Variants in ITGA3 observed in about 807,000 individuals in gnomAD.
ITGA3 encodes the protein integrin alpha-3.
ITGA3 carries 70 observed loss-of-function variants against 131.1 expected under a neutral mutation model. That is an observed-to-expected ratio of 0.53 (90% CI 0.44 to 0.65). The LOEUF (loss-of-function observed/expected upper bound fraction) is 0.65. Ranked by LOEUF, ITGA3 falls within the 30% of genes least tolerant of loss-of-function variation. The pLI is 0.00. For missense variants in ITGA3, 1,098 were observed against 1,388.6 expected (o/e 0.79, Z 3.33); for synonymous variants, 537 against 571.6 (o/e 0.94, Z 0.86).
Position 50,068,397 on chromosome 17 carries a change from A to G in ITGA3, c.664+92A>G, listed in dbSNP as rs1413406012. 3.5e-6 allele frequency: 5 copies of G among 1,412,764 alleles called. No homozygotes were observed. In the African/African-American group the frequency reaches 7.1e-5, roughly 20 times the overall value. The allele number at this position is 1,412,764 out of a possible 1,614,324, so 87.5% of individuals were successfully genotyped here. ...GGGACAGCTGGCCTAGACCATCCAC[A>G]CTAGAAACAGGACCTCATGCCAGTA... On this transcript the variant is annotated intron_variant, in intron 4 of 25. Transcript: ENST00000320031.
chr17:50,068,376 C>A, intron 4 of ITGA3, 71 bp downstream of exon 4: 1 of 1,548,486 alleles, frequency 6.5e-7, no homozygotes, highest in Non-Finnish European at 8.8e-7. Flanking sequence ...GCCACGGGGA[C>A]AGCTGGCCTA....
Position 50,088,310 on chromosome 17 carries a change from CAGAG to C in ITGA3, c.3134_3137del (p.Glu1045GlyfsTer2). On this transcript the variant is annotated frameshift_variant, in exon 25 of 26. Transcript: ENST00000320031. LOFTEE classifies it high-confidence loss of function. ...GAGATGAAGAGCCAGCCGTCAGAGACAGAGAGGCTGACCGACGACTACTGAGGGG... is the reference window on the plus strand; with the variant it reads ...GAGATGAAGAGCCAGCCGTCAGAGACAGGCTGACCGACGACTACTGAGGGG... 2 of 1,586,018 alleles carry C rather than the reference CAGAG, an allele frequency of 1.3e-6. No individual in the cohort carries two copies. The highest frequency in any genetic ancestry group is 1.7e-6 in the Non-Finnish European group (2 of 1,166,366).
rs753658290 is a variant in ITGA3, at chr17:50,087,769, T to C, written c.2945T>C (p.Leu982Pro). ...TTCTCTGTGGACATTGACTCGGAGC[T>C]GGTGGAGGAGCTGCCGGCCGAAATC... The part of the protein sequence containing the change: ...TWFSVDIDSE[L>P]VEELPAEIEL... Residue 982 changes from leucine (L) to proline (P), a missense_variant, in exon 24 of 26, where the codon CTG becomes CCG. Physicochemically the swap from Leu to Pro is moderately conservative, Grantham distance 98. Around this residue, in one of 3 missense-constraint regions of ITGA3, gnomAD observed 699 missense variants for 829.2 expected, o/e 0.84. Coordinates refer to ENST00000320031, the MANE Select transcript of ITGA3 (RefSeq NM_002204.4). 9.9e-6 allele frequency: 16 copies of C among 1,613,242 alleles called. No homozygotes were observed. The highest frequency in any genetic ancestry group is 1.3e-5 in the Non-Finnish European group (15 of 1,179,832).
chr17:50,082,387 C>T (rs1027922168), intron 23 of ITGA3, among the ~76,000 whole-genome samples: 4 of 152,078 alleles, frequency 2.6e-5, no homozygotes, highest in African/African-American at 9.7e-5. Flanking sequence ...CCTTGTTAGC[C>T]AGGATGGTCT....
intron 23 of ITGA3, among the ~76,000 whole-genome samples, chr17:50,083,195 C>G (rs761906819): frequency 5.3e-5 from 8 of 152,090 alleles, no homozygotes; most frequent in Non-Finnish European, 1.2e-4. Flanking sequence ...TGGGAGAACA[C>G]ATTTGGAAAA....
intron 10 of ITGA3, 21 bp from the exon 11 acceptor site, chr17:50,075,438 T>A (rs1908836066): frequency 9.9e-6 from 16 of 1,613,802 alleles, no homozygotes; most frequent in Non-Finnish European, 1.4e-5. Context: ...TGACCCGCCC[T>A]CCTGTACATC....
intron 16 of ITGA3, 47 bp downstream of exon 16, chr17:50,077,494 A>C: frequency 1.4e-6 from 2 of 1,407,790 alleles, no homozygotes; most frequent in Non-Finnish European, 2.0e-6. Flanking sequence ...CCCTGGCTGC[A>C]CCTCTGATGA....
Position 50,068,837 on chromosome 17 carries a change from TA to T in ITGA3, c.664+533del, listed in dbSNP as rs1387115673. On this transcript the variant is annotated intron_variant, in intron 4 of 25. Transcript: ENST00000320031. ...TTTTTTATTTATTTATTTATTTATTTATTTATTTATTTATTTATTTATTTTT... is the reference window on the plus strand; with the variant it reads ...TTTTTTATTTATTTATTTATTTATTTTTTATTTATTTATTTATTTATTTTT... Among the ~76,000 whole-genome samples the T allele has an allele frequency of 5.0e-3, 712 of 141,040 alleles. 3 individuals carry two copies. Among genetic ancestry groups the T allele is most frequent in the South Asian group, 0.021 (84 of 3,968 alleles). The allele number at this position is 141,040 out of a possible 152,430, so 92.5% of individuals were successfully genotyped here. A position where few individuals can be genotyped will look rare whatever the true frequency, so the allele number is the denominator to read the frequency against.
At chr17:50,075,793 G>A in intron 12 of ITGA3, 58 bp downstream of exon 12, 3 of 1,584,128 alleles carry the variant, frequency 1.9e-6, no homozygotes, top group Non-Finnish European at 2.6e-6. Context: ...GAGGTGGCCA[G>A]TGTCCCCCTA....
Position 50,056,332 on chromosome 17 carries a change from G to A in ITGA3, c.-108G>A. 1 of 726,126 alleles carries A rather than the reference G, an allele frequency of 1.4e-6. No individual in the cohort carries two copies. The highest frequency in any genetic ancestry group is 3.3e-5 in the East Asian group (1 of 30,314). The allele number at this position is 726,126 out of a possible 1,614,324, so 45.0% of individuals were successfully genotyped here. ...ATCAGCGCTACGGAGCGCAGCGGCCGGCGGGTTCCAGTGTCCTCCGGCGGC... is the reference window on the plus strand; with the variant it reads ...ATCAGCGCTACGGAGCGCAGCGGCCAGCGGGTTCCAGTGTCCTCCGGCGGC... On this transcript the variant is annotated 5_prime_UTR_variant, in exon 1 of 26. Coordinates refer to ENST00000320031, the MANE Select transcript of ITGA3 (RefSeq NM_002204.4). The surrounding 1 kb of genome is among the most constrained non-coding windows in gnomAD (Gnocchi z 5.6).
intron 24 of ITGA3, 119 bp downstream of exon 24, chr17:50,087,988 C>A: frequency 2.2e-6 from 3 of 1,373,828 alleles, no homozygotes; most frequent in Non-Finnish European, 2.9e-6. Flanking sequence ...CCCTTCCTCC[C>A]TGTCCTCTCC....
Position 50,080,334 on chromosome 17 carries a change from G to A in ITGA3, c.2779G>A (p.Val927Met), listed in dbSNP as rs139014080. ...CCCTGATGCCCCCGTTGTCACCAAC[G>A]TGACTGTGAAGGCACGAGTGTGGAA... ...PIPDAPVVTNVTVKARVWNST... is the reference protein window; with the variant it reads ...PIPDAPVVTNMTVKARVWNST... Residue 927 changes from valine to methionine, a missense_variant, in exon 22 of 26, where the codon GTG becomes ATG. Around this residue, in one of 3 missense-constraint regions of ITGA3, gnomAD observed 699 missense variants for 829.2 expected, o/e 0.84. Transcript: ENST00000320031. 1.5e-5 allele frequency: 25 copies of A among 1,613,382 alleles called. No individual in the cohort carries two copies. The highest frequency in any genetic ancestry group is 8.9e-5 in the East Asian group (4 of 44,866).
At chr17:50,080,185 G>T (rs1195580940) in intron 21 of ITGA3, 77 bp from the exon 22 acceptor site, 1 of 852,958 alleles carries the variant, frequency 1.2e-6, no homozygotes, top group African/African-American at 1.7e-5. Context: ...CCTGGAAGGG[G>T]CGGGAGGTAA....
chr17:50,074,239 C>A lies in ITGA3; in HGVS notation c.1341C>A (p.Asp447Glu). ...QMDVDENFYP[D>E]LLVGSLSDHI... Reference sequence around the variant, plus strand: ...ATGTGGATGAGAACTTCTACCCAGACCTTCTAGTGGGAAGCCTGTCAGACC... The same window carrying A: ...ATGTGGATGAGAACTTCTACCCAGAACTTCTAGTGGGAAGCCTGTCAGACC... The change falls in exon 9 of 26, where the codon GAC becomes GAA. Residue 447 changes from aspartate (D) to glutamate (E), a missense_variant. By Grantham distance (45) the Asp-to-Glu change is conservative. This residue lies in a region of ITGA3 where 699 missense variants were observed against 829.2 expected (regional missense o/e 0.84). Coordinates refer to ENST00000320031, the MANE Select transcript of ITGA3 (RefSeq NM_002204.4). The A allele has an allele frequency of 6.2e-7, 1 of 1,614,104 alleles. No individual in the cohort carries two copies. Among genetic ancestry groups the A allele is most frequent in the Non-Finnish European group, 8.5e-7 (1 of 1,179,908 alleles).
Position 50,088,252 on chromosome 17 carries a change from C to T in ITGA3, c.3073C>T (p.Arg1025Cys), listed in dbSNP as rs767763467. The change falls in exon 25 of 26, where the codon CGC (arginine) becomes TGC (cysteine). Residue 1025 changes from arginine to cysteine, a missense_variant. Arg to Cys is a radical substitution (Grantham distance 180). Around this residue, in one of 3 missense-constraint regions of ITGA3, gnomAD observed 699 missense variants for 829.2 expected, o/e 0.84. Coordinates refer to ENST00000320031, the MANE Select transcript of ITGA3 (RefSeq NM_002204.4). Reference protein sequence around the residue: ...KCGFFKRARTRALYEAKRQKA... With the variant: ...KCGFFKRARTCALYEAKRQKA... Reference sequence around the variant, plus strand: ...CGGCTTCTTCAAGCGAGCCCGCACTCGCGCCCTGTATGAAGCTAAGAGGCA... The same window carrying T: ...CGGCTTCTTCAAGCGAGCCCGCACTTGCGCCCTGTATGAAGCTAAGAGGCA... The T allele has an allele frequency of 4.4e-6, 7 of 1,577,524 alleles. No homozygotes were observed. The highest frequency in any genetic ancestry group is 4.6e-5 in the East Asian group (2 of 43,202).
At chr17:50,079,804 C>G (rs1404936449) in intron 21 of ITGA3, among the ~76,000 whole-genome samples, 2 of 152,214 alleles carry the variant, frequency 1.3e-5, no homozygotes, top group Non-Finnish European at 2.9e-5. Flanking sequence ...GGAACCCCAG[C>G]CTGTTGGGGG....
chr17:50,083,921 T>C (rs1909283684), intron 23 of ITGA3, among the ~76,000 whole-genome samples: 1 of 151,792 alleles, frequency 6.6e-6, no homozygotes, highest in Non-Finnish European at 1.5e-5. Flanking sequence ...TTTTCTTGCC[T>C]ATCAGATTGG....
At position 50,071,463 on chromosome 17, in the gene ITGA3, C is replaced by T. The variant is rs1262034697; in HGVS notation, c.904C>T (p.Gln302Ter). The stretch of plus-strand genomic sequence containing the variant: ...GAGGAGGCAGGTGCTGGAGGGCTCG[C>T]AGGTGGGCGCCTATTTTGGCAGCGC... The part of the protein sequence containing the change: ...LRRRQVLEGS[Q>*]VGAYFGSAIA... The change falls in exon 6 of 26, where the codon CAG becomes TAG. Residue 302 changes from glutamine to a stop codon, truncating the protein, a stop_gained. Transcript: ENST00000320031. LOFTEE classifies it high-confidence loss of function. 6.2e-7 allele frequency: 1 copy of T among 1,613,352 alleles called. No individual in the cohort carries two copies. Among genetic ancestry groups the T allele is most frequent in the Admixed American group, 1.7e-5 (1 of 60,022 alleles).
In ITGA3 at chr17:50,073,946, T is replaced by G; in HGVS notation, c.1187T>G (p.Leu396Trp). 6.2e-7 allele frequency: 1 copy of G among 1,614,168 alleles called. No homozygotes were observed. The change falls in exon 8 of 26, where the codon TTG becomes TGG. Residue 396 changes from leucine (L) to tryptophan (W), a missense_variant. By Grantham distance (61) the Leu-to-Trp change is moderately conservative (BLOSUM62 -2). Around this residue, in one of 3 missense-constraint regions of ITGA3, gnomAD observed 356 missense variants for 529.2 expected, o/e 0.67. Transcript: ENST00000320031. ...GCTGTGGGAGCTCCGTTTGAAGGCTTGGGCAAAGTGTACATCTATCACAGT... is the reference window on the plus strand; with the variant it reads ...GCTGTGGGAGCTCCGTTTGAAGGCTGGGGCAAAGTGTACATCTATCACAGT... ...DIAVGAPFEGLGKVYIYHSSS... is the reference protein window; with the variant it reads ...DIAVGAPFEGWGKVYIYHSSS...
Sources: allele counts gnomAD v4.1 joint callset (sites outside exome capture counted in the v4.1 genomes callset), GRCh38; gene constraint gnomAD v4.1.1; regional missense constraint gnomAD v4.1.1; non-coding constraint Gnocchi (gnomAD v3.1); transcripts MANE v1.5; gene names NCBI Gene and HGNC (gene_info 2026-07-23, HGNC 2026-07-21).